Variants in SWT1 observed in about 807,000 individuals in gnomAD.
SWT1 encodes transcriptional protein SWT1.
Under a neutral mutation model 107.3 loss-of-function variants are expected in SWT1, and 33 were observed. That is an observed-to-expected ratio of 0.31 (90% CI 0.23 to 0.41). The LOEUF is 0.41. SWT1 is among the 10% of genes least tolerant of loss of function. The pLI is 1.00. For missense variants in SWT1, 898 were observed against 1,028.9 expected (o/e 0.87, Z 1.74); for synonymous variants, 345 against 348.3 (o/e 0.99, Z 0.11).
rs377361612 is a variant in SWT1, at chr1:185,214,561, G to T, written c.2027G>T (p.Ser676Ile). The T allele has an allele frequency of 1.6e-5, 25 of 1,611,448 alleles. No homozygotes were observed. The African/African-American group carries it at 2.7e-4, about 17-fold the overall frequency. ...TVKFLLQDSR[S>I]LLHAFSTRSN... The stretch of plus-strand genomic sequence containing the variant: ...AAATTCTTGCTTCAGGATTCTAGAA[G>T]TTTGTTACATGCTTTCAGTACAAGG... Residue 676 changes from serine to isoleucine, a missense_variant, in exon 14 of 19, where the codon AGT becomes ATT. Physicochemically the swap from Ser to Ile is moderately radical, Grantham distance 142. This residue lies in a region of SWT1 where 382 missense variants were observed against 460.0 expected (regional missense o/e 0.83). Coordinates refer to ENST00000367500, the MANE Select transcript of SWT1 (RefSeq NM_017673.7).
At chr1:185,266,502 A>G (rs1663403776) in intron 16 of SWT1, 1 of 152,218 alleles carries the variant, frequency 6.6e-6, no homozygotes, top group Admixed American at 6.5e-5. Context: ...ATTTTAATTC[A>G]TCATTTAAAA....
chr1:185,162,514 T>G (rs1033899398), intron 2 of SWT1, among the ~76,000 whole-genome samples: 1 of 152,212 alleles, frequency 6.6e-6, no homozygotes, highest in Non-Finnish European at 1.5e-5. Context: ...TATAAAACTG[T>G]AATCTTTCAG....
intron 16 of SWT1, among the ~76,000 whole-genome samples, chr1:185,254,837 G>C (rs1292310548): frequency 6.6e-6 from 1 of 151,394 alleles, no homozygotes; most frequent in Admixed American, 6.6e-5. Flanking sequence ...GAATGTGTTT[G>C]CTCTTGCTTT....
intron 16 of SWT1, among the ~76,000 whole-genome samples, chr1:185,258,259 T>A (rs560159621): frequency 6.6e-5 from 10 of 152,344 alleles, no homozygotes; most frequent in South Asian, 2.1e-4. Context: ...TAGAACACTT[T>A]GAGTTCTGAT....
intron 2 of SWT1, among the ~76,000 whole-genome samples, chr1:185,161,761 G>T (rs745783360): frequency 1.1e-4 from 16 of 152,134 alleles, no homozygotes; most frequent in Non-Finnish European, 2.1e-4. Context: ...CATTAATTGA[G>T]CTGGGTATTG....
Sources: allele counts gnomAD v4.1 joint callset (sites outside exome capture counted in the v4.1 genomes callset), GRCh38; gene constraint gnomAD v4.1.1; regional missense constraint gnomAD v4.1.1; transcripts MANE v1.5; gene names NCBI Gene and HGNC (gene_info 2026-07-23, HGNC 2026-07-21).